Variants in SLC41A3 observed in about 807,000 individuals in gnomAD.
SLC41A3 encodes the protein SLC41A1-like 2.
SLC41A3 carries 44 observed loss-of-function variants against 45.4 expected under a neutral mutation model. The observed-to-expected ratio is 0.97, with a 90% confidence interval of 0.76 to 1.25. The LOEUF (loss-of-function observed/expected upper bound fraction) is 1.25. SLC41A3 is among the 50% of genes most tolerant of loss of function. The pLI is 0.00. For synonymous variants in SLC41A3, 256 were observed against 252.4 expected (o/e 1.01, Z -0.13); for missense variants, 550 against 600.6 (o/e 0.92, Z 0.88).
At chr3:126,008,260 C>G (rs547613400) in intron 10 of SLC41A3, among the ~76,000 whole-genome samples, 1 of 152,236 alleles carries the variant, frequency 6.6e-6, no homozygotes, top group South Asian at 2.1e-4. Flanking sequence ...CAGTGCAGTA[C>G]GTAGCGTAAG....
chr3:126,071,150 T>C (rs1205824865), intron 1 of SLC41A3, among the ~76,000 whole-genome samples: 1 of 152,218 alleles, frequency 6.6e-6, no homozygotes, highest in East Asian at 1.9e-4. Context: ...AATCCCATCT[T>C]ATCAATTATT....
chr3:126,076,268 A>T (rs1944875666), intron 1 of SLC41A3, among the ~76,000 whole-genome samples: 1 of 152,242 alleles, frequency 6.6e-6, no homozygotes, highest in Non-Finnish European at 1.5e-5. Flanking sequence ...AATGCAAATC[A>T]AAACCACAGT....
intron 3 of SLC41A3, among the ~76,000 whole-genome samples, chr3:126,034,258 G>C (rs1942025402): frequency 6.6e-6 from 1 of 152,074 alleles, no homozygotes; most frequent in South Asian, 2.1e-4. Context: ...TCTTCTCTTA[G>C]GATAAAAAAC....
intron 1 of SLC41A3, among the ~76,000 whole-genome samples, chr3:126,072,591 T>C (rs1054744681): frequency 3.9e-5 from 6 of 152,218 alleles, no homozygotes; most frequent in African/African-American, 1.4e-4. Flanking sequence ...CCAGTCAGAA[T>C]GGCTATTATT....
intron 2 of SLC41A3, chr3:126,056,394 G>A: frequency 1.2e-6 from 2 of 1,614,182 alleles, no homozygotes; most frequent in Non-Finnish European, 1.7e-6. Context: ...CTGTCATCAT[G>A]CACAAGCCGG....
upstream of SLC41A3, among the ~76,000 whole-genome samples, chr3:126,087,807 A>G (rs1327332295): frequency 6.6e-6 from 1 of 151,726 alleles, no homozygotes; most frequent in Non-Finnish European, 1.5e-5. Flanking sequence ...AAAAAAAAAG[A>G]TTGTATAATG....
At chr3:126,045,021 T>C (rs1397371554) in intron 3 of SLC41A3, among the ~76,000 whole-genome samples, 1 of 141,404 alleles carries the variant, frequency 7.1e-6, no homozygotes, top group African/African-American at 2.7e-5. Flanking sequence ...TCAAGCAACA[T>C]ACACTTGAAC....
chr3:126,098,024 G>A (rs1232030205), intron 1 of SLC41A3, among the ~76,000 whole-genome samples: 1 of 152,196 alleles, frequency 6.6e-6, no homozygotes, highest in African/African-American at 2.4e-5. Context: ...GCAAAGAGCT[G>A]CTATGCTGAA....
intron 2 of SLC41A3, among the ~76,000 whole-genome samples, chr3:126,058,456 AGTG>A (rs1943813188): frequency 6.6e-6 from 1 of 152,076 alleles, no homozygotes; most frequent in South Asian, 2.1e-4. Flanking sequence ...GCCTCTCCCA[AGTG>A]GCCTGCCTCA....
intron 1 of SLC41A3, among the ~76,000 whole-genome samples, chr3:126,072,504 GA>G (rs1944670676): frequency 1.3e-5 from 2 of 151,800 alleles, no homozygotes; most frequent in Admixed American, 1.3e-4. Flanking sequence ...AATGAAAGAG[GA>G]AACATTACAA....
rs760238357 is a variant in SLC41A3 at position 126,068,208 on chromosome 3, T to C, written c.12A>G (p.Thr4=). 1.3e-6 allele frequency: 2 copies of C among 1,540,514 alleles called. No homozygotes were observed. The highest frequency in any genetic ancestry group is 1.7e-6 in the Non-Finnish European group (2 of 1,145,820). ...TGTCCAGCCTCCGCTGCCGGGTCTC[T>C]GTCCCATCCATCTGGGCACAGCTGG... is the stretch of plus-strand genomic sequence containing the variant. MDG[T]ETRQRRLDSC... Residue 4 remains threonine, a synonymous_variant, in exon 2 of 11, where the codon ACA becomes ACG. Coordinates refer to ENST00000360370, the MANE Select transcript of SLC41A3 (RefSeq NM_017836.4).
intron 9 of SLC41A3, 123 bp from the exon 10 acceptor site, chr3:126,009,003 T>G: frequency 8.2e-7 from 1 of 1,213,046 alleles, no homozygotes; most frequent in African/African-American, 1.5e-5. Flanking sequence ...ACTGGACACC[T>G]ACTCTGTGGC....
At chr3:126,019,370 A>T (rs1308112773) in intron 6 of SLC41A3, among the ~76,000 whole-genome samples, 3 of 152,190 alleles carry the variant, frequency 2.0e-5, no homozygotes, top group Non-Finnish European at 4.4e-5. Context: ...CACATTGGGG[A>T]TCAACACATG....
intron 1 of SLC41A3, among the ~76,000 whole-genome samples, chr3:126,098,419 A>G (rs951536945): frequency 1.3e-5 from 2 of 152,210 alleles, no homozygotes; most frequent in African/African-American, 2.4e-5. Context: ...CTGTGAGAAA[A>G]TAAGTGTATT....
rs56806357 is a variant in SLC41A3, at chr3:126,063,949, A to AC, written c.273+3997dup. Among the ~76,000 whole-genome samples, 335 of 102,028 alleles carry AC rather than the reference A, an allele frequency of 3.3e-3. 28 individuals carry two copies. The highest frequency in any genetic ancestry group is 0.011 in the South Asian group (29 of 2,746). The allele number at this position is 102,028 out of a possible 152,430, so 66.9% of individuals were successfully genotyped here. A position where few individuals can be genotyped will look rare whatever the true frequency, so the allele number is the denominator to read the frequency against. On this transcript the variant is annotated intron_variant, in intron 2 of 10. Coordinates refer to ENST00000360370, the MANE Select transcript of SLC41A3 (RefSeq NM_017836.4). ...ACAGGCACTGATTAAGCCAGATCCA[A>AC]CCCCCCCCCGGGGACACACACTCCC...
At chr3:126,046,788 C>A (rs1316811406) in intron 3 of SLC41A3, among the ~76,000 whole-genome samples, 1 of 151,660 alleles carries the variant, frequency 6.6e-6, no homozygotes, top group Admixed American at 6.6e-5. Context: ...ATGATGAAAC[C>A]ACTTCTCTAT....
chr3:126,088,757 G>C (rs1945438969), upstream of SLC41A3, among the ~76,000 whole-genome samples: 1 of 152,118 alleles, frequency 6.6e-6, no homozygotes, highest in African/African-American at 2.4e-5. Context: ...TTGTAGATTT[G>C]TATCATCAGC....
In SLC41A3 at chr3:126,057,792, T is replaced by C. The variant is rs533514950; in HGVS notation, c.274-6742A>G. The C allele has an allele frequency of 4.6e-5, 7 of 152,310 alleles. No homozygotes were observed. In the East Asian group the frequency reaches 1.4e-3, roughly 29 times the overall value. 9.4% of individuals were successfully genotyped at this position (152,310 alleles called of 1,614,324 possible). On this transcript the variant is annotated intron_variant, in intron 2 of 10. Transcript: ENST00000360370. ...CTGCGTCTTTGTGCACACCCTTCAT[T>C]TACTCATTCATTCAACAGATATTTT...
At chr3:126,017,117 C>G (rs1559813062) in intron 6 of SLC41A3, among the ~76,000 whole-genome samples, 1 of 152,198 alleles carries the variant, frequency 6.6e-6, no homozygotes, top group Non-Finnish European at 1.5e-5. Context: ...TGCTATTTTC[C>G]CCATATAAAG....
Sources: gnomAD v4.1 joint callset for allele counts (sites outside exome capture counted in the v4.1 genomes callset) on GRCh38, gnomAD v4.1.1 for gene constraint, MANE v1.5 for transcripts, NCBI Gene and HGNC (gene_info 2026-07-23, HGNC 2026-07-21) for gene names.